The following ASIC2 variants were observed in gnomAD, a reference collection of about 807,000 sequenced individuals.
ASIC2 encodes the protein acid-sensing ion channel 2.
A neutral mutation model predicts 57.3 loss-of-function variants in ASIC2; 25 were observed. The observed-to-expected ratio is 0.44, with a 90% confidence interval of 0.32 to 0.61. The LOEUF is 0.61. ASIC2 is among the 20% of genes least tolerant of loss of function. The pLI, the probability that ASIC2 is intolerant of heterozygous loss-of-function variation, is 0.06. For synonymous variants in ASIC2, 319 were observed against 307.5 expected, an observed-to-expected ratio of 1.04 and a Z score of -0.39; for missense variants, 641 against 738.1, an observed-to-expected ratio of 0.87 and a Z score of 1.52.
At chr17:33,688,849 G>A (rs1021873210) in intron 1 of ASIC2, 3 of 152,152 alleles carry the variant, frequency 2.0e-5, no homozygotes, top group Non-Finnish European at 2.9e-5. Context: ...TACTTCCCCA[G>A]GTGTCTCTGC....
intron 1 of ASIC2, among the ~76,000 whole-genome samples, chr17:33,286,740 C>T (rs1258215086): frequency 6.6e-6 from 1 of 152,158 alleles, no homozygotes; most frequent in East Asian, 1.9e-4. Context: ...CCAGTCTGAT[C>T]CTTGGAGCCC....
chr17:34,082,442 G>A (rs1237808161), intron 1 of ASIC2, among the ~76,000 whole-genome samples: 1 of 151,868 alleles, frequency 6.6e-6, no homozygotes, highest in Non-Finnish European at 1.5e-5. Context: ...AGTTACAAAG[G>A]GAAAAAAATC....
intron 1 of ASIC2, chr17:33,623,943 C>T (rs966543830): frequency 1.3e-5 from 2 of 152,204 alleles, no homozygotes; most frequent in Non-Finnish European, 2.9e-5. Flanking sequence ...CGCAGACCTT[C>T]TGCTTCCTTG....
chr17:33,181,138 C>G (rs1286126625), intron 1 of ASIC2, among the ~76,000 whole-genome samples: 2 of 152,196 alleles, frequency 1.3e-5, no homozygotes, highest in Non-Finnish European at 2.9e-5. Context: ...TGTCAGGCAG[C>G]TGGGCAGGAC....
At position 33,591,644 on chromosome 17, in the gene ASIC2, T is replaced by C. The variant is rs116301672; in HGVS notation, c.556-479577A>G. ...GAGAATTGTTCTCTGCTGGCCCTGA[T>C]AGGAGCCACCTCACCAGGAAATGTC... On this transcript the variant is annotated intron_variant, in intron 1 of 9. Transcript: ENST00000359872. 2.3e-3 allele frequency among the ~76,000 whole-genome samples: 349 copies of C among 152,282 alleles called. 1 individual carries two copies. Among genetic ancestry groups the C allele is most frequent in the African/African-American group, 7.4e-3 (306 of 41,572 alleles).
At chr17:34,100,525 C>CT (rs1309561671) in intron 1 of ASIC2, among the ~76,000 whole-genome samples, 1 of 152,188 alleles carries the variant, frequency 6.6e-6, no homozygotes, top group Non-Finnish European at 1.5e-5. Context: ...TATCTTCAGA[C>CT]TTTGTCAACC....
At chr17:34,099,148 GAGAGAGAGAGAGAGAGAAAGAA>G (rs1567820847) in intron 1 of ASIC2, among the ~76,000 whole-genome samples, 15 of 13,988 alleles carry the variant, frequency 1.1e-3, no homozygotes, top group Admixed American at 3.8e-3. Flanking sequence ...GAGAGAGACA[GAGAGAGAGAGAGAGAGAAAGAA>G]AGAAAGAAAG....
At chr17:33,312,956 C>CA (rs1390039490) in intron 1 of ASIC2, among the ~76,000 whole-genome samples, 3 of 152,140 alleles carry the variant, frequency 2.0e-5, no homozygotes, top group Non-Finnish European at 4.4e-5. Context: ...AGTGTGGAAG[C>CA]AAAAACTCAC....
chr17:33,899,948 T>A (rs969287987), intron 1 of ASIC2, among the ~76,000 whole-genome samples: 15 of 152,190 alleles, frequency 9.9e-5, no homozygotes, highest in African/African-American at 3.4e-4. Context: ...GATAGGTGAT[T>A]GAATGAGTAA....
intron 1 of ASIC2, among the ~76,000 whole-genome samples, chr17:33,579,029 T>A (rs1024892557): frequency 6.6e-6 from 1 of 152,150 alleles, no homozygotes; most frequent in Non-Finnish European, 1.5e-5. Flanking sequence ...CTCACTCCTG[T>A]AATCCCAGCA....
At chr17:33,934,134 T>C (rs1916006297) in intron 1 of ASIC2, among the ~76,000 whole-genome samples, 1 of 152,194 alleles carries the variant, frequency 6.6e-6, no homozygotes, top group African/African-American at 2.4e-5. Flanking sequence ...TCACGGTGGC[T>C]GAGAAGCTGA....
chr17:33,405,227 C>A (rs989209681), intron 1 of ASIC2, among the ~76,000 whole-genome samples: 4 of 151,984 alleles, frequency 2.6e-5, no homozygotes, highest in African/African-American at 9.7e-5. Flanking sequence ...ATGGAGGAGG[C>A]AGATATGGGA....
At chr17:33,334,208 A>G (rs1026403729) in intron 1 of ASIC2, among the ~76,000 whole-genome samples, 5 of 152,086 alleles carry the variant, frequency 3.3e-5, no homozygotes, top group Non-Finnish European at 7.4e-5. Context: ...TCTTTATTTC[A>G]CAATAAGATT....
chr17:33,732,109 C>T (rs183917201), intron 1 of ASIC2, among the ~76,000 whole-genome samples: 1 of 152,232 alleles, frequency 6.6e-6, no homozygotes, highest in Admixed American at 6.5e-5. Context: ...AGCAATTCCA[C>T]TTCTAGGAAT....
At chr17:33,246,746 A>G (rs1476985462) in intron 1 of ASIC2, among the ~76,000 whole-genome samples, 1 of 152,238 alleles carries the variant, frequency 6.6e-6, no homozygotes, top group Non-Finnish European at 1.5e-5. Context: ...TTTGATTCCT[A>G]TAGTCACATA....
At chr17:33,310,849 A>T (rs1383524156) in intron 1 of ASIC2, among the ~76,000 whole-genome samples, 1 of 152,182 alleles carries the variant, frequency 6.6e-6, no homozygotes, top group African/African-American at 2.4e-5. Context: ...GAGATACATA[A>T]ATGTATATCT....
chr17:33,854,364 G>A (rs376181547), intron 1 of ASIC2, among the ~76,000 whole-genome samples: 21 of 152,190 alleles, frequency 1.4e-4, no homozygotes, highest in African/African-American at 5.1e-4. Context: ...TTTGTTGGAT[G>A]TGCGTGTGAT....
intron 1 of ASIC2, among the ~76,000 whole-genome samples, chr17:33,733,668 C>A (rs1412332775): frequency 6.6e-6 from 1 of 152,184 alleles, no homozygotes; most frequent in Non-Finnish European, 1.5e-5. Flanking sequence ...TAATTATCTT[C>A]CCTGCCTGCC....
chr17:33,858,356 G>C (rs759773172), intron 1 of ASIC2, among the ~76,000 whole-genome samples: 1 of 152,216 alleles, frequency 6.6e-6, no homozygotes, highest in East Asian at 1.9e-4. Flanking sequence ...ATACTCCCCA[G>C]TGTGGCTGCC....
Sources: allele counts gnomAD v4.1 joint callset (sites outside exome capture counted in the v4.1 genomes callset), GRCh38; gene constraint gnomAD v4.1.1; transcripts MANE v1.5; gene names NCBI Gene and HGNC (gene_info 2026-07-23, HGNC 2026-07-21).